The following CAMTA1 variants were observed in gnomAD, a reference collection of about 807,000 sequenced individuals.
The protein encoded by CAMTA1 is calmodulin-binding transcription activator 1.
Under a neutral mutation model 170.9 loss-of-function variants are expected in CAMTA1, and 27 were observed. The ratio of observed to expected loss-of-function variants is 0.16; its 90% confidence interval spans 0.12 to 0.22. The LOEUF is 0.22. CAMTA1 is among the 10% of genes least tolerant of loss of function. The pLI, the probability that CAMTA1 is intolerant of heterozygous loss-of-function variation, is 1.00. For synonymous variants in CAMTA1, 833 were observed against 891.5 expected (o/e 0.93, Z 1.17); for missense variants, 1,619 against 2,217.2 (o/e 0.73, Z 5.42).
At chr1:7,400,167 G>T (rs1251615600) in intron 5 of CAMTA1, among the ~76,000 whole-genome samples, 1 of 152,036 alleles carries the variant, frequency 6.6e-6, no homozygotes, top group Admixed American at 6.6e-5. Flanking sequence ...TACTCTTTTT[G>T]ATTCTGTTTT....
intron 6 of CAMTA1, among the ~76,000 whole-genome samples, chr1:7,578,518 C>T (rs571314236): frequency 2.0e-5 from 3 of 152,344 alleles, no homozygotes; most frequent in African/African-American, 7.2e-5. Context: ...CCGCCCCTAC[C>T]GACAGGGTCG....
At position 7,041,544 on chromosome 1, in the gene CAMTA1, G is replaced by A. The variant is rs2101368427; in HGVS notation, c.235-49760G>A. Among the ~76,000 whole-genome samples, 1 of 152,304 alleles carries A rather than the reference G, an allele frequency of 6.6e-6. No homozygotes were observed. Among genetic ancestry groups the A allele is most frequent in the East Asian group, 1.9e-4 (1 of 5,190 alleles). ...AAACTCTTACGAAATTAAGCATAAT[G>A]CGAAAACATGCTGAAAAGACAGTTC... On this transcript the variant is annotated intron_variant, in intron 3 of 22. Transcript: ENST00000303635. This position sits in a 1 kb window ranked among gnomAD's most constrained non-coding sequence, Gnocchi z 5.1.
At chr1:7,245,308 A>T (rs111866896) in intron 4 of CAMTA1, among the ~76,000 whole-genome samples, 9,894 of 151,254 alleles carry the variant, frequency 0.065, 1,025 homozygotes, top group African/African-American at 0.22. Context: ...TAGCATATAG[A>T]TGTTTCATAT....
chr1:6,824,164 A>G (rs1302851123), intron 2 of CAMTA1, among the ~76,000 whole-genome samples: 1 of 152,136 alleles, frequency 6.6e-6, no homozygotes, highest in African/African-American at 2.4e-5. Flanking sequence ...AGTTATGTGT[A>G]CCCTTTGTAT....
rs374599206 is a variant in CAMTA1 at position 7,664,494 on chromosome 1, G to A, written c.1947G>A (p.Thr649=). The A allele has an allele frequency of 5.1e-5, 83 of 1,613,138 alleles. No homozygotes were observed. The highest frequency in any genetic ancestry group is 6.7e-5 in the Non-Finnish European group (79 of 1,180,038). Residue 649 remains threonine (T), a synonymous_variant, in exon 9 of 23, where the codon ACG becomes ACA. Coordinates refer to ENST00000303635, the MANE Select transcript of CAMTA1 (RefSeq NM_015215.4). ...GGTFVMPTVK[T]EASSQTSSCS... ...CCTTCGTGATGCCCACGGTGAAAAC[G>A]GAGGCCTCGTCCCAAACCAGCTCCT...
intron 3 of CAMTA1, among the ~76,000 whole-genome samples, chr1:7,031,001 A>G (rs1702718405): frequency 3.0e-5 from 3 of 100,058 alleles, no homozygotes; most frequent in Non-Finnish European, 1.9e-5. Flanking sequence ...TGCCCAGCTA[A>G]TTTTTTTTTT....
chr1:7,655,137 CAA>C (rs1211826003), intron 7 of CAMTA1, among the ~76,000 whole-genome samples: 1 of 140,640 alleles, frequency 7.1e-6, no homozygotes, highest in Non-Finnish European at 1.5e-5. Flanking sequence ...TCTATACACA[CAA>C]ACCCACCTAT....
At chr1:6,993,126 G>A (rs1696655668) in intron 3 of CAMTA1, among the ~76,000 whole-genome samples, 1 of 151,972 alleles carries the variant, frequency 6.6e-6, no homozygotes, top group African/African-American at 2.4e-5. Flanking sequence ...CTTGATTATT[G>A]GAGCTTTATA....
intron 6 of CAMTA1, among the ~76,000 whole-genome samples, chr1:7,503,729 T>C (rs1409761738): frequency 6.6e-6 from 1 of 152,214 alleles, no homozygotes; most frequent in Non-Finnish European, 1.5e-5. Context: ...GATTCTTAGA[T>C]GTGTGGCCCT....
At chr1:6,785,854 C>A (rs1482449803) in intron 1 of CAMTA1, among the ~76,000 whole-genome samples, 1 of 145,108 alleles carries the variant, frequency 6.9e-6, no homozygotes, top group Non-Finnish European at 1.5e-5. Flanking sequence ...GGGCGGGGAC[C>A]GGGCCCAGCG....
At chr1:6,802,099 GA>G (rs1382977433) in intron 1 of CAMTA1, among the ~76,000 whole-genome samples, 1 of 152,224 alleles carries the variant, frequency 6.6e-6, no homozygotes, top group Non-Finnish European at 1.5e-5. Flanking sequence ...AAGAAGAGCA[GA>G]AGCAATCGTA....
At chr1:6,790,683 T>C (rs1449295332) in intron 1 of CAMTA1, among the ~76,000 whole-genome samples, 2 of 152,186 alleles carry the variant, frequency 1.3e-5, no homozygotes, top group Non-Finnish European at 2.9e-5. Context: ...ATATCCAAAT[T>C]TAATACCTAA....
chr1:7,633,625 C>CGGTG lies in CAMTA1; in HGVS notation c.511-6775_511-6774insGGTG, dbSNP rs2095687358. On this transcript the variant is annotated intron_variant, in intron 6 of 22. Coordinates refer to ENST00000303635, the MANE Select transcript of CAMTA1 (RefSeq NM_015215.4). This position sits in a 1 kb window ranked among gnomAD's most constrained non-coding sequence, Gnocchi z 4.1. The stretch of plus-strand genomic sequence containing the variant: ...CAGCTCCCCCAGCCAAGGCCAGGTG[C>CGGTG]CCCCTAGCAGGCTTGTTGGCCCGTG... 6.6e-6 allele frequency among the ~76,000 whole-genome samples: 1 copy of CGGTG among 152,200 alleles called. No homozygotes were observed. Among genetic ancestry groups the CGGTG allele is most frequent in the South Asian group, 2.1e-4 (1 of 4,830 alleles).
At chr1:7,740,892 T>C (rs2096807253) in intron 16 of CAMTA1, among the ~76,000 whole-genome samples, 1 of 152,156 alleles carries the variant, frequency 6.6e-6, no homozygotes, top group Non-Finnish European at 1.5e-5. Context: ...AGAGCATGTG[T>C]CTATGAAAAA....
intron 6 of CAMTA1, among the ~76,000 whole-genome samples, chr1:7,503,096 C>G (rs1299673646): frequency 1.3e-5 from 2 of 152,136 alleles, no homozygotes; most frequent in African/African-American, 4.8e-5. Flanking sequence ...GTCATGGGCT[C>G]TGTGGAATGG....
At chr1:7,358,266 A>G (rs1422672127) in intron 5 of CAMTA1, among the ~76,000 whole-genome samples, 1 of 152,172 alleles carries the variant, frequency 6.6e-6, no homozygotes, top group Non-Finnish European at 1.5e-5. Context: ...GAAAACCTTG[A>G]CTTGATAAAT....
intron 4 of CAMTA1, among the ~76,000 whole-genome samples, chr1:7,184,329 T>C (rs1190494940): frequency 6.6e-6 from 1 of 152,138 alleles, no homozygotes; most frequent in African/African-American, 2.4e-5. Context: ...GTGTCTATAG[T>C]CAATAATAAT....
rs542517434 is a variant in CAMTA1 at position 7,761,361 on chromosome 1, G to C, written c.4990-5098G>C. Among the ~76,000 whole-genome samples the C allele has an allele frequency of 3.9e-5, 6 of 152,268 alleles. No homozygotes were observed. In the South Asian group the frequency reaches 1.2e-3, roughly 32 times the overall value. The stretch of plus-strand genomic sequence containing the variant: ...AGCTTCTGTCCTGCATTGCCTCTAT[G>C]AGCTCAGGGAAGACTGCTTTGCCTG... On this transcript the variant is annotated intron_variant, in intron 22 of 22. Coordinates refer to ENST00000303635, the MANE Select transcript of CAMTA1 (RefSeq NM_015215.4).
chr1:7,098,502 C>G (rs1642358437), intron 4 of CAMTA1, among the ~76,000 whole-genome samples: 1 of 152,182 alleles, frequency 6.6e-6, no homozygotes, highest in Non-Finnish European at 1.5e-5. Context: ...GGGTACCTGT[C>G]ACGTAGTTTT....
Sources: allele counts gnomAD v4.1 joint callset (sites outside exome capture counted in the v4.1 genomes callset), GRCh38; gene constraint gnomAD v4.1.1; non-coding constraint Gnocchi (gnomAD v3.1); transcripts MANE v1.5; gene names NCBI Gene and HGNC (gene_info 2026-07-23, HGNC 2026-07-21).